The following PRRG2 variants were observed in gnomAD, a reference collection of about 807,000 sequenced individuals.
The protein encoded by PRRG2 is transmembrane gamma-carboxyglutamic acid protein 2.
In PRRG2, 23 loss-of-function variants were observed where a neutral mutation model predicts 27.1. The observed-to-expected ratio is 0.85, with a 90% CI of 0.61 to 1.20. The LOEUF (loss-of-function observed/expected upper bound fraction) is 1.20. PRRG2 is among the 50% of genes most tolerant of loss of function. The pLI, the probability that PRRG2 is intolerant of heterozygous loss-of-function variation, is 0.00. For synonymous variants in PRRG2, 104 were observed against 103.4 expected, an observed-to-expected ratio of 1.01 and a Z score of -0.03; for missense variants, 276 against 254.8, an observed-to-expected ratio of 1.08 and a Z score of -0.57.
chr19:49,585,802 G>T (rs1019930176), intron 4 of PRRG2, among the ~76,000 whole-genome samples: 1 of 150,706 alleles, frequency 6.6e-6, no homozygotes, highest in Admixed American at 6.6e-5. Context: ...ACAAATGGCT[G>T]GGCGCGGTGG....
chr19:49,584,999 C>T (rs927230134), intron 4 of PRRG2, among the ~76,000 whole-genome samples: 2 of 152,170 alleles, frequency 1.3e-5, no homozygotes, highest in African/African-American at 4.8e-5. Context: ...GCCCATTTTG[C>T]CCCCAAGAAC....
intron 5 of PRRG2, among the ~76,000 whole-genome samples, chr19:49,589,497 G>A (rs1389005769): frequency 6.7e-6 from 1 of 149,568 alleles, no homozygotes; most frequent in Non-Finnish European, 1.5e-5. Context: ...GCAGTGGCCG[G>A]TTCACAGTTC....
rs115186426 is a variant in PRRG2, at chr19:49,590,964, A to C, written c.*575A>C. On this transcript the variant is annotated 3_prime_UTR_variant, in exon 7 of 7. Transcript: ENST00000246794. ...ACCCTTCGGAAAGGAGACCAAAAAA[A>C]GCAGAAATAATGCAAAAAATAATAA... 1 of 153,580 alleles carries C rather than the reference A, an allele frequency of 6.5e-6. No individual in the cohort carries two copies. The highest frequency in any genetic ancestry group is 6.5e-5 in the Admixed American group (1 of 15,292). 9.5% of individuals were successfully genotyped at this position (153,580 alleles called of 1,614,324 possible).
chr19:49,589,791 C>G lies in PRRG2; in HGVS notation c.438-109C>G. 4.8e-6 allele frequency: 6 copies of G among 1,258,606 alleles called. No individual in the cohort carries two copies. The East Asian group carries it at 7.0e-5, about 15-fold the overall frequency. The allele number at this position is 1,258,606 out of a possible 1,614,324, so 78.0% of individuals were successfully genotyped here. On this transcript the variant is annotated intron_variant, in intron 5 of 6. Coordinates refer to ENST00000246794, the MANE Select transcript of PRRG2 (RefSeq NM_000951.3). ...TTTCTGAAGTCCACCTCCCTTCCAGCTCTGTCCCAGTGTCACCCTGAGTCT... is the reference window on the plus strand; with the variant it reads ...TTTCTGAAGTCCACCTCCCTTCCAGGTCTGTCCCAGTGTCACCCTGAGTCT...
Position 49,590,044 on chromosome 19 carries a change from C to G in PRRG2, c.582C>G (p.Pro194=). The G allele has an allele frequency of 1.3e-6, 2 of 1,520,538 alleles. No homozygotes were observed. Among genetic ancestry groups the G allele is most frequent in the Non-Finnish European group, 1.8e-6 (2 of 1,139,652 alleles). 94.2% of individuals were successfully genotyped at this position (1,520,538 alleles called of 1,614,324 possible). A position where few individuals can be genotyped will look rare whatever the true frequency, so the allele number is the denominator to read the frequency against. ...ASGVHDAPPP[P]YTSLRRPH is the part of the protein sequence containing the mutation. The stretch of plus-strand genomic sequence containing the variant: ...GGGTACACGACGCACCTCCACCCCC[C>G]TACACCAGGTATGGGGCGTGGCTTC... The change falls in exon 6 of 7, where the codon CCC becomes CCG. Residue 194 remains proline, a synonymous_variant. Transcript: ENST00000246794.
intron 4 of PRRG2, 141 bp downstream of exon 4, chr19:49,584,093 A>T (rs1046429711): frequency 1.4e-5 from 12 of 830,844 alleles, no homozygotes; most frequent in Middle Eastern, 3.7e-4. Flanking sequence ...GCTGGCTGCT[A>T]AAGGAGTTCC....
chr19:49,581,698 G>A (rs2080625140), intron 1 of PRRG2, among the ~76,000 whole-genome samples: 2 of 152,168 alleles, frequency 1.3e-5, no homozygotes, highest in Non-Finnish European at 2.9e-5. Flanking sequence ...AGCACAGAAA[G>A]AGGCACAAGT....
At position 49,588,539 on chromosome 19, in the gene PRRG2, C is replaced by A; in HGVS notation, c.344C>A (p.Thr115Lys). The change falls in exon 5 of 7, where the codon ACA becomes AAA. Residue 115 changes from threonine (T) to lysine (K), a missense_variant. Coordinates refer to ENST00000246794, the MANE Select transcript of PRRG2 (RefSeq NM_000951.3). ...VDVASLAVGL[T>K]GGILLIVLAG... ...GTGGCCAGCCTGGCTGTGGGGCTGA[C>A]AGGTGGCATCCTGCTCATTGTCCTG... The A allele has an allele frequency of 6.3e-7, 1 of 1,582,432 alleles. No individual in the cohort carries two copies. Among genetic ancestry groups the A allele is most frequent in the East Asian group, 2.3e-5 (1 of 43,398 alleles).
Sources: gnomAD v4.1 joint callset for allele counts (sites outside exome capture counted in the v4.1 genomes callset) on GRCh38, gnomAD v4.1.1 for gene constraint, MANE v1.5 for transcripts, NCBI Gene and HGNC (gene_info 2026-07-23, HGNC 2026-07-21) for gene names.